SCFD2: variants seen among roughly 807,000 people sequenced by gnomAD.
SCFD2 encodes sec1 family domain containing 2.
In SCFD2, 54 loss-of-function variants were observed where a neutral mutation model predicts 58.9. The ratio of observed to expected loss-of-function variants is 0.92; its 90% CI spans 0.74 to 1.15. The LOEUF is 1.15. SCFD2 is among the 50% of genes most tolerant of loss of function. The pLI, the probability that SCFD2 is intolerant of heterozygous loss-of-function variation, is 0.00. For synonymous variants in SCFD2, 321 were observed against 335.9 expected (o/e 0.96, Z 0.49); for missense variants, 805 against 836.6 (o/e 0.96, Z 0.47).
rs1726938272 is a variant in SCFD2, at chr4:53,164,289, C to T, written c.1312-18707G>A. The stretch of plus-strand genomic sequence containing the variant: ...ACTGCTGAGTCTTGGCCACTTGTTC[C>T]GTGGAGCCCCTGAGTGACTGCTGCA... On this transcript the variant is annotated intron_variant, in intron 4 of 8. Coordinates refer to ENST00000401642, the MANE Select transcript of SCFD2 (RefSeq NM_152540.4). Among the ~76,000 whole-genome samples, 3 of 152,144 alleles carry T rather than the reference C, an allele frequency of 2.0e-5. No individual in the cohort carries two copies. In the South Asian group the frequency reaches 6.2e-4, roughly 32 times the overall value.
intron 2 of SCFD2, among the ~76,000 whole-genome samples, chr4:53,332,589 G>A (rs1000842927): frequency 1.1e-4 from 16 of 152,128 alleles, no homozygotes; most frequent in African/African-American, 3.4e-4. Flanking sequence ...GTACTGATGG[G>A]ATGTATCTCA....
chr4:53,082,526 C>T (rs1724178380), intron 5 of SCFD2, among the ~76,000 whole-genome samples: 1 of 152,062 alleles, frequency 6.6e-6, no homozygotes, highest in Non-Finnish European at 1.5e-5. Context: ...TATGTGTCAA[C>T]TACACTAGGC....
chr4:53,139,044 T>C (rs1726029646), intron 5 of SCFD2, among the ~76,000 whole-genome samples: 1 of 152,288 alleles, frequency 6.6e-6, no homozygotes, highest in African/African-American at 2.4e-5. Context: ...CTGGTTTTTG[T>C]ATTTTTTGGG....
chr4:53,244,255 A>T (rs1254954494), intron 4 of SCFD2, among the ~76,000 whole-genome samples: 3 of 152,134 alleles, frequency 2.0e-5, no homozygotes, highest in Non-Finnish European at 2.9e-5. Context: ...ACATATACAG[A>T]ACTCTCCACC....
intron 4 of SCFD2, among the ~76,000 whole-genome samples, chr4:53,271,174 A>G (rs2149065560): frequency 6.6e-6 from 1 of 152,280 alleles, no homozygotes; most frequent in East Asian, 1.9e-4. Flanking sequence ...TGAAGAGGAC[A>G]CAGCCTTGAG....
chr4:52,883,788 G>A (rs1400738007), intron 8 of SCFD2, among the ~76,000 whole-genome samples: 1 of 152,178 alleles, frequency 6.6e-6, no homozygotes, highest in African/African-American at 2.4e-5. Flanking sequence ...CTGCTGGCAG[G>A]GAGGGTGTTA....
At chr4:52,993,218 C>T (rs1258955317) in intron 5 of SCFD2, among the ~76,000 whole-genome samples, 1 of 151,450 alleles carries the variant, frequency 6.6e-6, no homozygotes, top group Admixed American at 6.6e-5. Context: ...GAGTCATCAC[C>T]ACTCCCTAAT....
intron 4 of SCFD2, among the ~76,000 whole-genome samples, chr4:53,230,788 A>C (rs1346130863): frequency 1.3e-5 from 2 of 152,120 alleles, no homozygotes; most frequent in African/African-American, 4.8e-5. Flanking sequence ...ATTTAAAAAA[A>C]AGATATGCAA....
chr4:53,052,748 T>C (rs544883812), intron 5 of SCFD2, among the ~76,000 whole-genome samples: 2 of 152,314 alleles, frequency 1.3e-5, no homozygotes, highest in East Asian at 1.9e-4. Flanking sequence ...AGGTCAACAA[T>C]TGAAACAAAA....
intron 4 of SCFD2, among the ~76,000 whole-genome samples, chr4:53,258,538 GTATATATATATATATATATATATATATA>G (rs59321045): frequency 6.7e-5 from 8 of 119,952 alleles, no homozygotes; most frequent in African/African-American, 1.0e-4. Context: ...TGGTGTGTGT[GTATATATATATATATATATATATATATA>G]TATATATATA....
intron 5 of SCFD2, among the ~76,000 whole-genome samples, chr4:53,048,215 G>A (rs899828925): frequency 3.9e-5 from 6 of 152,164 alleles, no homozygotes; most frequent in Non-Finnish European, 5.9e-5. Context: ...GCTCAGTGTG[G>A]TGGTGTGTGC....
At chr4:53,140,917 T>C (rs1457081594) in intron 5 of SCFD2, among the ~76,000 whole-genome samples, 1 of 152,172 alleles carries the variant, frequency 6.6e-6, no homozygotes, top group African/African-American at 2.4e-5. Context: ...TATACAAAAA[T>C]GGTTACTTTC....
intron 7 of SCFD2, among the ~76,000 whole-genome samples, chr4:52,886,184 T>G (rs1718736181): frequency 6.6e-6 from 1 of 152,236 alleles, no homozygotes; most frequent in Non-Finnish European, 1.5e-5. Flanking sequence ...TTGTTTACAC[T>G]GTCATGTCCA....
chr4:52,928,030 A>G (rs1021076817), intron 5 of SCFD2, among the ~76,000 whole-genome samples: 9 of 152,160 alleles, frequency 5.9e-5, no homozygotes, highest in African/African-American at 1.7e-4. Flanking sequence ...TGTGAGTTTA[A>G]GTTCTAACAT....
intron 2 of SCFD2, among the ~76,000 whole-genome samples, chr4:53,340,146 G>C (rs62324335): frequency 0.01 from 1,541 of 152,204 alleles, 26 homozygotes; most frequent in South Asian, 0.072. Context: ...CCCACCGAGC[G>C]ACAGCCAAAG....
intron 7 of SCFD2, among the ~76,000 whole-genome samples, chr4:52,894,425 A>G (rs1018632858): frequency 3.3e-5 from 5 of 151,332 alleles, no homozygotes; most frequent in Non-Finnish European, 7.3e-5. Context: ...CAGGAGACTG[A>G]GATCCAAACC....
intron 5 of SCFD2, among the ~76,000 whole-genome samples, chr4:53,062,581 T>A (rs1723546241): frequency 6.6e-6 from 1 of 152,112 alleles, no homozygotes; most frequent in Non-Finnish European, 1.5e-5. Flanking sequence ...TATCATGACT[T>A]ACATACCTAC....
rs1259113660 is a variant in SCFD2 at position 52,920,859 on chromosome 4, AAG to A, written c.1571_1572del (p.Ser524PhefsTer3). The A allele has an allele frequency of 6.2e-7, 1 of 1,609,910 alleles. No homozygotes were observed. The highest frequency in any genetic ancestry group is 2.2e-5 in the East Asian group (1 of 44,670). ...PLLQKITDWDSSINLTFHKSK... is the reference protein window; with the variant it reads ...PLLQKITDWDXSINLTFHKSK... The stretch of plus-strand genomic sequence containing the variant: ...GATTTGTGAAATGTCAGATTAATTG[AAG>A]AGTCCCAGTCTGAAAAAATCCAGAG... On this transcript the variant is annotated frameshift_variant, in exon 6 of 9. Transcript: ENST00000401642. LOFTEE classifies it high-confidence loss of function.
intron 4 of SCFD2, among the ~76,000 whole-genome samples, chr4:53,241,267 G>T (rs180739909): frequency 6.6e-6 from 1 of 152,254 alleles, no homozygotes; most frequent in East Asian, 1.9e-4. Context: ...GATTTGGTGC[G>T]GTGGCAACTA....
Sources: gnomAD v4.1 joint callset for allele counts (sites outside exome capture counted in the v4.1 genomes callset) on GRCh38, gnomAD v4.1.1 for gene constraint, MANE v1.5 for transcripts, NCBI Gene and HGNC (gene_info 2026-07-23, HGNC 2026-07-21) for gene names.